The following XPNPEP3 variants were observed in gnomAD, a reference collection of about 807,000 sequenced individuals.
XPNPEP3 encodes X-prolyl aminopeptidase 3.
Under a neutral mutation model 60.0 loss-of-function variants are expected in XPNPEP3, and 41 were observed. The observed-to-expected ratio is 0.68, with a 90% CI of 0.53 to 0.89. The LOEUF (loss-of-function observed/expected upper bound fraction) is 0.89, where lower values mean the gene tolerates loss of function less well. XPNPEP3 is among the 40% of genes least tolerant of loss of function. The probability of loss-of-function intolerance (pLI) is 0.00; values close to 1 mark genes in which losing one functional copy is unlikely to be tolerated. For missense variants in XPNPEP3, 598 were observed against 638.9 expected (o/e 0.94, Z 0.69); for synonymous variants, 212 against 223.2 (o/e 0.95, Z 0.45).
chr22:40,858,344 C>CG (rs2057916869), intron 1 of XPNPEP3, among the ~76,000 whole-genome samples: 1 of 151,772 alleles, frequency 6.6e-6, no homozygotes, highest in African/African-American at 2.4e-5. Context: ...TGGCCTCAAG[C>CG]GATCCACCCT....
At chr22:40,887,257 A>T (rs1245990658) in intron 4 of XPNPEP3, among the ~76,000 whole-genome samples, 1 of 152,190 alleles carries the variant, frequency 6.6e-6, no homozygotes, top group African/African-American at 2.4e-5. Flanking sequence ...GCTGTCTCAA[A>T]GCAAGGAGTC....
chr22:40,857,282 C>T (rs759932407), intron 1 of XPNPEP3, 37 bp downstream of exon 1: 5 of 1,612,294 alleles, frequency 3.1e-6, no homozygotes, highest in Admixed American at 1.7e-5. Context: ...CCCATGGTGT[C>T]CCCTGGAGGG....
intron 1 of XPNPEP3, chr22:40,862,812 A>C (rs917713404): frequency 2.5e-5 from 24 of 959,766 alleles, no homozygotes; most frequent in Non-Finnish European, 2.9e-5. Context: ...TGTGCCAGGC[A>C]CCGTTTTAGC....
chr22:40,872,231 G>A (rs1469778846), intron 2 of XPNPEP3, among the ~76,000 whole-genome samples: 1 of 152,108 alleles, frequency 6.6e-6, no homozygotes, highest in Non-Finnish European at 1.5e-5. Context: ...TTACGGCTAG[G>A]TTCTAGTGAT....
intron 9 of XPNPEP3, 132 bp from the exon 10 acceptor site, chr22:40,926,137 C>A: frequency 2.2e-6 from 2 of 929,356 alleles, no homozygotes; most frequent in South Asian, 1.3e-5. Flanking sequence ...ATCCTCACAG[C>A]TTTACTAGGT....
chr22:40,863,846 C>G (rs1038084650), intron 1 of XPNPEP3, among the ~76,000 whole-genome samples: 1 of 152,266 alleles, frequency 6.6e-6, no homozygotes, highest in African/African-American at 2.4e-5. Flanking sequence ...AGTGAAAAAT[C>G]TGATTTTTAA....
At chr22:40,868,310 T>G (rs1297934723) in intron 1 of XPNPEP3, among the ~76,000 whole-genome samples, 1 of 152,194 alleles carries the variant, frequency 6.6e-6, no homozygotes, top group African/African-American at 2.4e-5. Context: ...GGACACAGCT[T>G]TATGCTATCT....
At chr22:40,869,751 AC>A (rs1430234427) in intron 2 of XPNPEP3, among the ~76,000 whole-genome samples, 1 of 152,168 alleles carries the variant, frequency 6.6e-6, no homozygotes, top group East Asian at 1.9e-4. Context: ...TCAAATTTAG[AC>A]CTAAAGGTTT....
At chr22:40,897,739 A>G (rs569992238) in intron 4 of XPNPEP3, among the ~76,000 whole-genome samples, 1 of 152,266 alleles carries the variant, frequency 6.6e-6, no homozygotes, top group African/African-American at 2.4e-5. Flanking sequence ...CATTCTTGCC[A>G]ATCGATACTT....
rs543735401 is a variant in XPNPEP3, at chr22:40,931,550, C to CA, written c.*5122dup. ...GCAACATAGAGAGACCTTGTCTCAACAAAAAAATTTAAAGTTAGCCAGGTG... is the reference window on the plus strand; with the variant it reads ...GCAACATAGAGAGACCTTGTCTCAACAAAAAAAATTTAAAGTTAGCCAGGTG... On this transcript the variant is annotated 3_prime_UTR_variant, in exon 10 of 10. Coordinates refer to ENST00000357137, the MANE Select transcript of XPNPEP3 (RefSeq NM_022098.4). 6.4e-4 allele frequency: 97 copies of CA among 152,180 alleles called. 1 individual carries two copies. The highest frequency in any genetic ancestry group is 2.3e-3 in the African/African-American group (94 of 41,516). 9.4% of individuals were successfully genotyped at this position (152,180 alleles called of 1,614,324 possible).
chr22:40,907,632 G>A lies in XPNPEP3; in HGVS notation c.838G>A (p.Ala280Thr), dbSNP rs2058161541. ...CACCAGTAAAGCCCCTGTGGAAGAA[G>A]CCTTTCTTTATGCTAAGGTGAGATT... Reference protein sequence around the residue: ...MFTSKAPVEEAFLYAKFEFEC... With the variant: ...MFTSKAPVEETFLYAKFEFEC... Residue 280 changes from alanine to threonine, a missense_variant, in exon 5 of 10, where the codon GCC (alanine) becomes ACC (threonine). By Grantham distance (58) the Ala-to-Thr change is moderately conservative (BLOSUM62 0). Transcript: ENST00000357137. The A allele has an allele frequency of 6.2e-7, 1 of 1,614,022 alleles. No homozygotes were observed. Among genetic ancestry groups the A allele is most frequent in the Non-Finnish European group, 8.5e-7 (1 of 1,179,958 alleles).
intron 5 of XPNPEP3, among the ~76,000 whole-genome samples, chr22:40,908,218 A>C (rs1466919030): frequency 6.8e-6 from 1 of 147,564 alleles, no homozygotes; most frequent in Non-Finnish European, 1.5e-5. Flanking sequence ...GACTGTTTCA[A>C]AAAAAAAAAA....
In XPNPEP3 at chr22:40,927,841, C is replaced by T. The variant is rs1029634365; in HGVS notation, c.*1406C>T. The T allele has an allele frequency of 1.4e-5, 2 of 145,714 alleles. No individual in the cohort carries two copies. The highest frequency in any genetic ancestry group is 2.5e-5 in the African/African-American group (1 of 39,342). The allele number at this position is 145,714 out of a possible 1,614,324, so 9.0% of individuals were successfully genotyped here. A position where few individuals can be genotyped will look rare whatever the true frequency, so the allele number is the denominator to read the frequency against. On this transcript the variant is annotated 3_prime_UTR_variant, in exon 10 of 10. Coordinates refer to ENST00000357137, the MANE Select transcript of XPNPEP3 (RefSeq NM_022098.4). ...AGTGAGCCAAGATCGCGCCACTGCA[C>T]TCCAGCCTGGGTGACAGAGCGAGAC...
chr22:40,906,455 G>T (rs1344000929), intron 4 of XPNPEP3, among the ~76,000 whole-genome samples: 1 of 151,678 alleles, frequency 6.6e-6, no homozygotes, highest in African/African-American at 2.4e-5. Flanking sequence ...CATATAGTGT[G>T]GTTATCACAG....
At chr22:40,922,656 C>CAG (rs1424886104) in intron 8 of XPNPEP3, 143 bp downstream of exon 8, 3 of 1,087,774 alleles carry the variant, frequency 2.8e-6, no homozygotes, top group Admixed American at 2.2e-5. Flanking sequence ...GAGGCTGAGG[C>CAG]AGGAGGATTG....
chr22:40,861,842 C>T (rs1480596378), intron 1 of XPNPEP3: 5 of 1,613,892 alleles, frequency 3.1e-6, no homozygotes, highest in Non-Finnish European at 3.4e-6. Context: ...CCTCGTATGC[C>T]TCAGCTACTT....
chr22:40,861,063 A>C, intron 1 of XPNPEP3: 1 of 1,574,556 alleles, frequency 6.4e-7, no homozygotes, highest in South Asian at 1.2e-5. Flanking sequence ...TGAAGAGTCA[A>C]TTTAACAATT....
At chr22:40,911,892 A>G (rs879205227) in intron 6 of XPNPEP3, among the ~76,000 whole-genome samples, 5 of 151,994 alleles carry the variant, frequency 3.3e-5, no homozygotes, top group Admixed American at 2.6e-4. Flanking sequence ...ATGAAGTTAA[A>G]TATATTGTCA....
At chr22:40,915,400 C>G (rs2058192597) in intron 7 of XPNPEP3, among the ~76,000 whole-genome samples, 2 of 151,706 alleles carry the variant, frequency 1.3e-5, no homozygotes, top group Admixed American at 1.3e-4. Flanking sequence ...AATGGTGAAA[C>G]CCTGTCTCTA....
Sources: allele counts gnomAD v4.1 joint callset (sites outside exome capture counted in the v4.1 genomes callset), GRCh38; gene constraint gnomAD v4.1.1; transcripts MANE v1.5; gene names NCBI Gene and HGNC (gene_info 2026-07-23, HGNC 2026-07-21).